Variants in REV3L observed in about 807,000 individuals in gnomAD.
The protein encoded by REV3L is REV3 like, DNA directed polymerase zeta catalytic subunit, also known as DNA polymerase zeta catalytic subunit.
Under a neutral mutation model 299.4 loss-of-function variants are expected in REV3L, and 69 were observed. The ratio of observed to expected loss-of-function variants is 0.23; its 90% CI spans 0.19 to 0.28. REV3L has a LOEUF of 0.28. Ranked by LOEUF, REV3L falls within the 10% of genes least tolerant of loss-of-function variation. The pLI is 1.00. For missense variants in REV3L, 3,128 were observed against 3,693.8 expected (o/e 0.85, Z 3.97); for synonymous variants, 1,238 against 1,271.4 (o/e 0.97, Z 0.56).
At chr6:111,442,969 T>C (rs1286138767) in intron 1 of REV3L, among the ~76,000 whole-genome samples, 2 of 146,064 alleles carry the variant, frequency 1.4e-5, no homozygotes, top group Non-Finnish European at 1.5e-5. Flanking sequence ...TTTCACTTTG[T>C]CGCTCAGGCG....
intron 31 of REV3L, among the ~76,000 whole-genome samples, chr6:111,303,842 C>A (rs1487810652): frequency 6.6e-5 from 10 of 150,708 alleles, no homozygotes; most frequent in African/African-American, 2.2e-4. Flanking sequence ...GCCTCAGCCT[C>A]CTGAGTAGTT....
In REV3L at chr6:111,452,525, T is replaced by C. The variant is rs964708122; in HGVS notation, c.139+30225A>G. ...AAAAAAACATTAACTCATACGACAA[T>C]GTGGATGACACTTAACTACGTAACA... is the stretch of plus-strand genomic sequence containing the variant. On this transcript the variant is annotated intron_variant, in intron 1 of 31. Transcript: ENST00000368802. Among the ~76,000 whole-genome samples the C allele has an allele frequency of 2.6e-5, 4 of 152,040 alleles. No homozygotes were observed. The East Asian group carries it at 5.8e-4, about 22-fold the overall frequency.
chr6:111,311,188 T>C lies in REV3L; in HGVS notation c.8676A>G (p.Arg2892=). ...TTCCTTCCAGAAGCTTCATACATTG[T>C]CGCTGAACATACTGTTTAATTAGAC... The part of the protein sequence containing the change: ...DISLIKQYVQ[R]QCMKLLEGKA... Residue 2892 remains arginine, a synonymous_variant, in exon 29 of 32, where the codon CGA becomes CGG. Transcript: ENST00000368802. The C allele has an allele frequency of 1.2e-6, 2 of 1,614,090 alleles. No homozygotes were observed. Among genetic ancestry groups the C allele is most frequent in the Non-Finnish European group, 1.7e-6 (2 of 1,179,978 alleles).
At chr6:111,452,823 CAG>C (rs1789712206) in intron 1 of REV3L, among the ~76,000 whole-genome samples, 1 of 152,022 alleles carries the variant, frequency 6.6e-6, no homozygotes, top group South Asian at 2.1e-4. Context: ...AGAAAAAGAA[CAG>C]GGGAATAAAC....
In REV3L at chr6:111,332,259, G is replaced by C. The variant is rs553338646; in HGVS notation, c.7926-475C>G. The stretch of plus-strand genomic sequence containing the variant: ...GCTAATTTTTTGCATTTTTAGTAGA[G>C]ACAGGGTTTCCTCATGTTAGCCAGG... On this transcript the variant is annotated intron_variant, in intron 23 of 31. Coordinates refer to ENST00000368802, the MANE Select transcript of REV3L (RefSeq NM_001372078.1). 5.9e-5 allele frequency among the ~76,000 whole-genome samples: 9 copies of C among 152,156 alleles called. No homozygotes were observed. In the East Asian group the frequency reaches 1.7e-3, roughly 29 times the overall value.
At position 111,303,165 on chromosome 6, in the gene REV3L, C is replaced by CTTTCTTTCTTTCT. The variant is rs4038141; in HGVS notation, c.9253-3010_9253-3009insAGAAAGAAAGAAA. Among the ~76,000 whole-genome samples the CTTTCTTTCTTTCT allele has an allele frequency of 5.2e-4, 48 of 92,336 alleles. 1 individual carries two copies. The highest frequency in any genetic ancestry group is 1.8e-3 in the African/African-American group (47 of 25,538). 60.6% of individuals were successfully genotyped at this position (92,336 alleles called of 152,430 possible). A position where few individuals can be genotyped will look rare whatever the true frequency, so the allele number is the denominator to read the frequency against. On this transcript the variant is annotated intron_variant, in intron 31 of 31. Transcript: ENST00000368802. ...AATGTACTGAGGCTTTCTTTTCTTT[C>CTTTCTTTCTTTCT]TTTTTTTTTTTTTTTTTGAGATGAG...
chr6:111,387,617 A>G (rs183869083), intron 9 of REV3L, 148 bp downstream of exon 9: 1 of 641,596 alleles, frequency 1.6e-6, no homozygotes, highest in Admixed American at 2.8e-5. Flanking sequence ...AGATGTAGAA[A>G]GGGTGACAGA....
At chr6:111,445,451 G>C (rs139404940) in intron 1 of REV3L, among the ~76,000 whole-genome samples, 29 of 152,220 alleles carry the variant, frequency 1.9e-4, no homozygotes, top group African/African-American at 7.0e-4. Context: ...TTAGAAATTG[G>C]AGTAAAGTTA....
At chr6:111,378,457 C>T (rs1199928254) in intron 11 of REV3L, among the ~76,000 whole-genome samples, 5 of 152,132 alleles carry the variant, frequency 3.3e-5, no homozygotes, top group Admixed American at 2.0e-4. Context: ...TATACTGGAA[C>T]TGTTTTTCCA....
At chr6:111,480,011 G>A (rs917049948) in intron 1 of REV3L, among the ~76,000 whole-genome samples, 4 of 151,978 alleles carry the variant, frequency 2.6e-5, no homozygotes, top group African/African-American at 4.8e-5. Context: ...CTAGTAAAAG[G>A]GTATTAATCC....
At chr6:111,400,401 T>C (rs1782964711) in intron 4 of REV3L, among the ~76,000 whole-genome samples, 1 of 152,234 alleles carries the variant, frequency 6.6e-6, no homozygotes, top group Non-Finnish European at 1.5e-5. Flanking sequence ...TTGTTATTGT[T>C]AGTCTTGCGA....
intron 15 of REV3L, 118 bp downstream of exon 15, chr6:111,365,147 T>C (rs1562188245): frequency 1.3e-5 from 8 of 604,916 alleles, no homozygotes; most frequent in Non-Finnish European, 1.9e-5. Context: ...CAAATAATGA[T>C]GCAAAAATTT....
rs1332987832 is a variant in REV3L, at chr6:111,309,881, A to G, written c.9014T>C (p.Val3005Ala). 6.2e-7 allele frequency: 1 copy of G among 1,614,000 alleles called. No homozygotes were observed. The highest frequency in any genetic ancestry group is 8.5e-7 in the Non-Finnish European group (1 of 1,179,884). The change falls in exon 30 of 32, where the codon GTC becomes GCC. Residue 3005 changes from valine (V) to alanine (A), a missense_variant. Coordinates refer to ENST00000368802, the MANE Select transcript of REV3L (RefSeq NM_001372078.1). Reference sequence around the variant, plus strand: ...TGGTAATTCATGATACCAGCTGAAGACATCAATACCAATAAGTGAGAAGAT... The same window carrying G: ...TGGTAATTCATGATACCAGCTGAAGGCATCAATACCAATAAGTGAGAAGAT... ...ARIFSLIGID[V>A]FSWYHELPRI...
At chr6:111,479,104 C>A (rs1001272669) in intron 1 of REV3L, among the ~76,000 whole-genome samples, 10 of 152,170 alleles carry the variant, frequency 6.6e-5, no homozygotes, top group African/African-American at 2.4e-4. Flanking sequence ...CTTCCCAAGT[C>A]CACCTCAGTC....
intron 25 of REV3L, among the ~76,000 whole-genome samples, chr6:111,323,534 T>C (rs1280013389): frequency 1.3e-5 from 2 of 152,208 alleles, no homozygotes; most frequent in African/African-American, 2.4e-5. Context: ...GGTAGATATA[T>C]ATCTAGGAAG....
rs932211224 is a variant in REV3L at position 111,310,818 on chromosome 6, G to T, written c.8795+251C>A. 6 of 370,784 alleles carry T rather than the reference G, an allele frequency of 1.6e-5. 1 individual carries two copies. Among genetic ancestry groups the T allele is most frequent in the South Asian group, 2.5e-4 (2 of 7,996 alleles). 23.0% of individuals were successfully genotyped at this position (370,784 alleles called of 1,614,324 possible). A position where few individuals can be genotyped will look rare whatever the true frequency, so the allele number is the denominator to read the frequency against. On this transcript the variant is annotated intron_variant, in intron 29 of 31. Coordinates refer to ENST00000368802, the MANE Select transcript of REV3L (RefSeq NM_001372078.1). ...GGACTACCTAGTGATTTTGATGTGG[G>T]AAAAACAAATGAATCAAGGACTGTG...
intron 3 of REV3L, among the ~76,000 whole-genome samples, chr6:111,410,220 G>A (rs1025190007): frequency 1.3e-5 from 2 of 151,896 alleles, no homozygotes; most frequent in Non-Finnish European, 2.9e-5. Context: ...AATAATAAAT[G>A]AACAAATAAT....
intron 19 of REV3L, among the ~76,000 whole-genome samples, chr6:111,350,462 T>C (rs1342763145): frequency 6.7e-6 from 1 of 148,918 alleles, no homozygotes; most frequent in Admixed American, 6.7e-5. Flanking sequence ...TTAAAACCTA[T>C]CCCAAAAAAG....
chr6:111,403,636 G>A (rs1783321508), intron 4 of REV3L, among the ~76,000 whole-genome samples: 2 of 152,094 alleles, frequency 1.3e-5, no homozygotes, highest in Admixed American at 6.6e-5. Flanking sequence ...GGCCATTCCC[G>A]TTTCTTTCTT....
Sources: allele counts gnomAD v4.1 joint callset (sites outside exome capture counted in the v4.1 genomes callset), GRCh38; gene constraint gnomAD v4.1.1; transcripts MANE v1.5; gene names NCBI Gene and HGNC (gene_info 2026-07-23, HGNC 2026-07-21).